The following WASF1 variants were observed in gnomAD, a reference collection of about 807,000 sequenced individuals.
WASF1 encodes the protein WASP family member 1, also known as actin-binding protein WASF1.
WASF1 carries 7 observed loss-of-function variants against 50.5 expected under a neutral mutation model. The ratio of observed to expected loss-of-function variants is 0.14; its 90% CI spans 0.08 to 0.26. The LOEUF (loss-of-function observed/expected upper bound fraction) is 0.26, where lower values mean the gene tolerates loss of function less well. Among genes scored for constraint, WASF1 ranks in the 10% least tolerant of loss-of-function variants. The pLI is 1.00. For missense variants in WASF1, 470 were observed against 694.7 expected, an observed-to-expected ratio of 0.68 and a Z score of 3.64; for synonymous variants, 205 against 244.0, an observed-to-expected ratio of 0.84 and a Z score of 1.49.
At chr6:110,147,188 A>G (rs1337064549) in intron 3 of WASF1, among the ~76,000 whole-genome samples, 1 of 152,044 alleles carries the variant, frequency 6.6e-6, no homozygotes, top group Non-Finnish European at 1.5e-5. Context: ...TCTACTAAAA[A>G]TACAAAAATT....
chr6:110,148,065 G>A (rs373556611), intron 3 of WASF1, among the ~76,000 whole-genome samples: 1 of 152,068 alleles, frequency 6.6e-6, no homozygotes, highest in African/African-American at 2.4e-5. Flanking sequence ...TATTTTTAGT[G>A]GTTTAAAAGA....
chr6:110,114,798 GAA>G (rs796509866), intron 4 of WASF1, among the ~76,000 whole-genome samples: 6 of 135,902 alleles, frequency 4.4e-5, no homozygotes, highest in Non-Finnish European at 3.2e-5. Flanking sequence ...TATGCTGCTT[GAA>G]AAAAAAAAAA....
At chr6:110,169,369 C>T (rs1776599197) in intron 2 of WASF1, among the ~76,000 whole-genome samples, 1 of 152,110 alleles carries the variant, frequency 6.6e-6, no homozygotes, top group Non-Finnish European at 1.5e-5. Flanking sequence ...ATTCTTTGGG[C>T]TTCTCTATTT....
At chr6:110,147,135 CAGG>C (rs1775601966) in intron 3 of WASF1, among the ~76,000 whole-genome samples, 1 of 151,232 alleles carries the variant, frequency 6.6e-6, no homozygotes, top group Non-Finnish European at 1.5e-5. Context: ...ATCACGAGGT[CAGG>C]AGATCGAGAC....
At chr6:110,127,711 G>GT in intron 3 of WASF1, 82 bp from the exon 4 acceptor site, 1 of 1,280,100 alleles carries the variant, frequency 7.8e-7, no homozygotes, top group Non-Finnish European at 1.0e-6. Context: ...GAAGAATAAA[G>GT]CACTGTTGAC....
rs184427091 is a variant in WASF1 at position 110,111,769 on chromosome 6, T to C, written c.268+1557A>G. Reference sequence around the variant, plus strand: ...CAGAAAGATCAGTGATTGCTAGGGGTTGAGCTGAAGGGGAAACAGAGTGAC... The same window carrying C: ...CAGAAAGATCAGTGATTGCTAGGGGCTGAGCTGAAGGGGAAACAGAGTGAC... On this transcript the variant is annotated intron_variant, in intron 5 of 10. Coordinates refer to ENST00000392589, the MANE Select transcript of WASF1 (RefSeq NM_003931.3). Among the ~76,000 whole-genome samples, 141 of 152,070 alleles carry C rather than the reference T, an allele frequency of 9.3e-4. No homozygotes were observed. In the Middle Eastern group the frequency reaches 0.027, roughly 30 times the overall value.
At chr6:110,105,098 AC>A (rs1226838500) in intron 8 of WASF1, among the ~76,000 whole-genome samples, 6 of 152,216 alleles carry the variant, frequency 3.9e-5, no homozygotes, top group African/African-American at 1.4e-4. Context: ...AACTTTTATT[AC>A]AAAATTCTAG....
chr6:110,100,170 CAAG>C lies in WASF1; in HGVS notation c.*349_*351del. 1 of 164,568 alleles carries C rather than the reference CAAG, an allele frequency of 6.1e-6. No individual in the cohort carries two copies. The highest frequency in any genetic ancestry group is 1.8e-4 in the South Asian group (1 of 5,620). 10.2% of individuals were successfully genotyped at this position (164,568 alleles called of 1,614,324 possible). Reference sequence around the variant, plus strand: ...GCTCATTAGTAGACACAGCTGCCCTCAAGATTTCAATTTCAGTTGCTTTCTTTA... The same window carrying C: ...GCTCATTAGTAGACACAGCTGCCCTCATTTCAATTTCAGTTGCTTTCTTTA... On this transcript the variant is annotated 3_prime_UTR_variant, in exon 11 of 11. Transcript: ENST00000392589.
At chr6:110,170,830 G>C (rs1005489810) in intron 2 of WASF1, among the ~76,000 whole-genome samples, 3 of 152,116 alleles carry the variant, frequency 2.0e-5, no homozygotes, top group African/African-American at 4.8e-5. Context: ...GTTTCTGAGC[G>C]AGGGAAATTA....
At chr6:110,103,641 T>G in intron 8 of WASF1, 84 bp from the exon 9 acceptor site, 1 of 1,239,834 alleles carries the variant, frequency 8.1e-7, no homozygotes, top group Non-Finnish European at 1.1e-6. Context: ...ATATTTAAAG[T>G]TTATCCTTTC....
chr6:110,152,197 A>G (rs1489519907), intron 3 of WASF1, among the ~76,000 whole-genome samples: 1 of 152,148 alleles, frequency 6.6e-6, no homozygotes, highest in Admixed American at 6.5e-5. Flanking sequence ...CCAGCTGACA[A>G]CGGAGAAAGG....
intron 2 of WASF1, among the ~76,000 whole-genome samples, chr6:110,169,628 C>T (rs1353009199): frequency 1.3e-5 from 2 of 152,062 alleles, no homozygotes; most frequent in Non-Finnish European, 2.9e-5. Flanking sequence ...AGTATTGCGA[C>T]CTAACAAGTA....
intron 9 of WASF1, 142 bp from the exon 10 acceptor site, chr6:110,102,358 C>A: frequency 3.8e-6 from 3 of 779,358 alleles, no homozygotes; most frequent in Non-Finnish European, 3.5e-6. Flanking sequence ...TTAACATCTT[C>A]AACAGTATTT....
At chr6:110,168,840 CATT>C (rs1327327997) in intron 2 of WASF1, among the ~76,000 whole-genome samples, 2 of 152,064 alleles carry the variant, frequency 1.3e-5, no homozygotes, top group African/African-American at 4.8e-5. Context: ...TTCATTGCCT[CATT>C]ATTATAAAAC....
chr6:110,108,901 T>A (rs1773439420), intron 5 of WASF1, among the ~76,000 whole-genome samples: 1 of 152,198 alleles, frequency 6.6e-6, no homozygotes, highest in Non-Finnish European at 1.5e-5. Flanking sequence ...TTAATTAACC[T>A]TTGATTTTGA....
At chr6:110,124,817 C>T (rs1774349960) in intron 4 of WASF1, among the ~76,000 whole-genome samples, 1 of 152,018 alleles carries the variant, frequency 6.6e-6, no homozygotes. Flanking sequence ...GGCTGAGGTA[C>T]AAGAATTGCT....
At chr6:110,119,582 C>T (rs1173067676) in intron 4 of WASF1, among the ~76,000 whole-genome samples, 3 of 152,128 alleles carry the variant, frequency 2.0e-5, no homozygotes, top group Non-Finnish European at 2.9e-5. Flanking sequence ...CAGGACCAGA[C>T]AGATGCACAG....
intron 6 of WASF1, among the ~76,000 whole-genome samples, chr6:110,107,576 C>T (rs1773375192): frequency 1.3e-5 from 2 of 152,172 alleles, no homozygotes. Flanking sequence ...TTTGCAGTTT[C>T]TGCCAATACT....
intron 2 of WASF1, among the ~76,000 whole-genome samples, chr6:110,176,289 G>GT (rs1164191108): frequency 6.6e-5 from 10 of 151,806 alleles, no homozygotes; most frequent in African/African-American, 2.2e-4. Flanking sequence ...ACTAGAAAAC[G>GT]TAAGTCACAA....
Sources: allele counts gnomAD v4.1 joint callset (sites outside exome capture counted in the v4.1 genomes callset), GRCh38; gene constraint gnomAD v4.1.1; transcripts MANE v1.5; gene names NCBI Gene and HGNC (gene_info 2026-07-23, HGNC 2026-07-21).